BMP5: variants seen among roughly 807,000 people sequenced by gnomAD.
The protein encoded by BMP5 is bone morphogenetic protein 5.
BMP5 carries 23 observed loss-of-function variants against 46.6 expected under a neutral mutation model. That is an observed-to-expected ratio of 0.49 (90% CI 0.35 to 0.70). The LOEUF is 0.70. BMP5 is among the 30% of genes least tolerant of loss of function. The pLI, the probability that BMP5 is intolerant of heterozygous loss-of-function variation, is 0.00. For missense variants in BMP5, 545 were observed against 565.6 expected, an observed-to-expected ratio of 0.96 and a Z score of 0.37; for synonymous variants, 204 against 191.9, an observed-to-expected ratio of 1.06 and a Z score of -0.52.
chr6:55,759,830 T>C (rs1055902093), intron 5 of BMP5, among the ~76,000 whole-genome samples: 5 of 151,932 alleles, frequency 3.3e-5, no homozygotes, highest in Non-Finnish European at 7.4e-5. Flanking sequence ...TGTGGAAAGT[T>C]TATCATGAAT....
chr6:55,848,372 T>G (rs75278429), intron 1 of BMP5, among the ~76,000 whole-genome samples: 1,880 of 152,122 alleles, frequency 0.012, 33 homozygotes, highest in African/African-American at 0.043. Context: ...TCTTTTCCAT[T>G]TAGTAATAAC....
chr6:55,867,850 C>T, intron 1 of BMP5, among the ~76,000 whole-genome samples: 1 of 152,170 alleles, frequency 6.6e-6, no homozygotes, highest in Non-Finnish European at 1.5e-5. Context: ...AAATAACTTG[C>T]TCAAGTTCAC....
In BMP5 at chr6:55,792,313, C is replaced by A. The variant is rs185719141; in HGVS notation, c.832+1966G>T. ...CTTTGGAAGGCCAAGGCGGGCGGAT[C>A]ACGAGGTCAGGAGATCGAGACCATC... On this transcript the variant is annotated intron_variant, in intron 3 of 6. Transcript: ENST00000370830. 5.3e-4 allele frequency among the ~76,000 whole-genome samples: 80 copies of A among 152,220 alleles called. 1 individual carries two copies. In the East Asian group the frequency reaches 0.015, roughly 28 times the overall value.
chr6:55,837,055 T>C (rs1776813104), intron 1 of BMP5, among the ~76,000 whole-genome samples: 1 of 151,204 alleles, frequency 6.6e-6, no homozygotes, highest in Non-Finnish European at 1.5e-5. Flanking sequence ...AAAGTAACTT[T>C]TTTTTTTTTT....
chr6:55,805,340 C>T (rs1432105811), intron 2 of BMP5, among the ~76,000 whole-genome samples: 2 of 152,060 alleles, frequency 1.3e-5, no homozygotes, highest in South Asian at 2.1e-4. Context: ...CCTATCAACC[C>T]GTCATCAAAG....
intron 1 of BMP5, among the ~76,000 whole-genome samples, chr6:55,848,544 G>A (rs1487147104): frequency 6.6e-6 from 1 of 151,948 alleles, no homozygotes; most frequent in Non-Finnish European, 1.5e-5. Flanking sequence ...CTCATTTGCT[G>A]CTGTAACCTC....
Position 55,874,486 on chromosome 6 carries a change from A to G in BMP5, c.380T>C (p.Ile127Thr). ...CAGAGGAGTCGTCCGAGATAACTGTATGCGACGAGGATACCCATTGGGAGA... is the reference window on the plus strand; with the variant it reads ...CAGAGGAGTCGTCCGAGATAACTGTGTGCGACGAGGATACCCATTGGGAGA... ...PASPNGYPRR[I>T]QLSRTTPLTT... The change falls in exon 1 of 7, where the codon ATA becomes ACA. Residue 127 changes from isoleucine (I) to threonine (T), a missense_variant. Coordinates refer to ENST00000370830, the MANE Select transcript of BMP5 (RefSeq NM_021073.4). 6.2e-7 allele frequency: 1 copy of G among 1,613,426 alleles called. No individual in the cohort carries two copies. The highest frequency in any genetic ancestry group is 8.5e-7 in the Non-Finnish European group (1 of 1,179,614).
chr6:55,867,837 T>C (rs9464296), intron 1 of BMP5, among the ~76,000 whole-genome samples: 11 of 152,172 alleles, frequency 7.2e-5, no homozygotes, highest in African/African-American at 2.6e-4. Flanking sequence ...GCACAAATAA[T>C]TTAAATAACT....
intron 1 of BMP5, among the ~76,000 whole-genome samples, chr6:55,836,588 C>T (rs1455092254): frequency 4.6e-5 from 7 of 150,806 alleles, no homozygotes; most frequent in Admixed American, 6.6e-5. Context: ...ATCTTAACTG[C>T]CTAACCTCAC....
chr6:55,794,335 C>A lies in BMP5; in HGVS notation c.776G>T (p.Trp259Leu), dbSNP rs1262860369. The A allele has an allele frequency of 3.7e-6, 6 of 1,613,938 alleles. No homozygotes were observed. The highest frequency in any genetic ancestry group is 4.2e-6 in the Non-Finnish European group (5 of 1,179,902). Residue 259 changes from tryptophan to leucine, a missense_variant, in exon 3 of 7, where the codon TGG becomes TTG. Trp to Leu is a moderately conservative substitution (Grantham distance 61). Transcript: ENST00000370830. ...VFDITVTSNH[W>L]VINPQNNLGL... ...CAAATTATTCTGGGGATTAATCACCCAATGATTGCTGGTCACAGTGATATC... is the reference window on the plus strand; with the variant it reads ...CAAATTATTCTGGGGATTAATCACCAAATGATTGCTGGTCACAGTGATATC...
At chr6:55,781,527 G>A (rs1321842305) in intron 3 of BMP5, among the ~76,000 whole-genome samples, 1 of 151,748 alleles carries the variant, frequency 6.6e-6, no homozygotes, top group Non-Finnish European at 1.5e-5. Context: ...AATTAAAGTG[G>A]TCTTTGAAAC....
chr6:55,759,762 T>TGTACCA (rs1774719969), intron 5 of BMP5, among the ~76,000 whole-genome samples: 1 of 151,944 alleles, frequency 6.6e-6, no homozygotes, highest in African/African-American at 2.4e-5. Context: ...GTTGCCTTGA[T>TGTACCA]ATTTTTCCCA....
At chr6:55,758,218 C>T (rs1774663168) in intron 6 of BMP5, among the ~76,000 whole-genome samples, 1 of 151,748 alleles carries the variant, frequency 6.6e-6, no homozygotes, top group African/African-American at 2.4e-5. Context: ...TTATATTAGC[C>T]CAAACATTGA....
intron 2 of BMP5, among the ~76,000 whole-genome samples, chr6:55,818,623 A>G (rs529616625): frequency 1.9e-4 from 29 of 152,320 alleles, no homozygotes; most frequent in South Asian, 1.0e-3. Flanking sequence ...GGAAGGCTTT[A>G]GCAATAGACA....
chr6:55,799,911 C>G (rs1428225447), intron 2 of BMP5, among the ~76,000 whole-genome samples: 1 of 152,190 alleles, frequency 6.6e-6, no homozygotes, highest in Admixed American at 6.5e-5. Context: ...GACCTCCCCA[C>G]AGTGAAACAT....
rs202054500 is a variant in BMP5, at chr6:55,819,661, G to A, written c.677C>T (p.Thr226Ile). 1.2e-5 allele frequency: 19 copies of A among 1,606,206 alleles called. No individual in the cohort carries two copies. The highest frequency in any genetic ancestry group is 2.2e-5 in the East Asian group (1 of 44,790). Residue 226 changes from threonine (T) to isoleucine (I), a missense_variant, in exon 2 of 7, where the codon ACA becomes ATA. By Grantham distance (89) the Thr-to-Ile change is moderately conservative. Coordinates refer to ENST00000370830, the MANE Select transcript of BMP5 (RefSeq NM_021073.4). ...ISIYQIIKEY[T>I]NRDADLFLLD... ...TTAAATAAAAAGATTATACCTATTT[G>A]TGTATTCCTTGATGATTTGATATAT...
intron 1 of BMP5, among the ~76,000 whole-genome samples, chr6:55,852,934 A>C (rs1777281068): frequency 6.6e-6 from 1 of 151,938 alleles, no homozygotes; most frequent in African/African-American, 2.4e-5. Context: ...GATCGAGACC[A>C]TCCTGGCTAA....
At chr6:55,813,038 T>C (rs561937576) in intron 2 of BMP5, among the ~76,000 whole-genome samples, 1 of 152,126 alleles carries the variant, frequency 6.6e-6, no homozygotes, top group Non-Finnish European at 1.5e-5. Context: ...TTTCGAAAAA[T>C]AAAAAAGATA....
chr6:55,824,543 G>T (rs1019272914), intron 1 of BMP5, among the ~76,000 whole-genome samples: 3 of 151,794 alleles, frequency 2.0e-5, no homozygotes, highest in African/African-American at 7.3e-5. Flanking sequence ...CAAACAAAAA[G>T]GCAGAAGGTT....
Sources: gnomAD v4.1 joint callset for allele counts (sites outside exome capture counted in the v4.1 genomes callset) on GRCh38, gnomAD v4.1.1 for gene constraint, MANE v1.5 for transcripts, NCBI Gene and HGNC (gene_info 2026-07-23, HGNC 2026-07-21) for gene names.